PTPRG: variants seen among roughly 807,000 people sequenced by gnomAD.
PTPRG encodes protein tyrosine phosphatase receptor type G, also known as receptor-type tyrosine-protein phosphatase gamma.
Under a neutral mutation model 165.3 loss-of-function variants are expected in PTPRG, and 102 were observed. That is an observed-to-expected ratio of 0.62 (90% CI 0.53 to 0.73). PTPRG has a LOEUF of 0.73. Among genes scored for constraint, PTPRG ranks in the 30% least tolerant of loss-of-function variants. PTPRG has a pLI of 0.00. For synonymous variants in PTPRG, 675 were observed against 669.5 expected (o/e 1.01, Z -0.13); for missense variants, 1,866 against 1,861.4 (o/e 1.00, Z -0.05).
At chr3:62,154,875 G>A (rs1704476804) in intron 6 of PTPRG, among the ~76,000 whole-genome samples, 2 of 152,118 alleles carry the variant, frequency 1.3e-5, no homozygotes, top group African/African-American at 4.8e-5. Flanking sequence ...TTTTGCAGTT[G>A]GTGGTGCCAA....
chr3:61,603,779 C>T (rs1049892983), intron 1 of PTPRG, among the ~76,000 whole-genome samples: 1 of 152,132 alleles, frequency 6.6e-6, no homozygotes, highest in Non-Finnish European at 1.5e-5. Flanking sequence ...AGATGTGGCT[C>T]CAATCTCTGC....
chr3:61,720,194 GCT>G (rs1559573576), intron 1 of PTPRG, among the ~76,000 whole-genome samples: 1 of 151,782 alleles, frequency 6.6e-6, no homozygotes, highest in African/African-American at 2.4e-5. Flanking sequence ...CAGGATCTTG[GCT>G]CACCACTGCC....
intron 4 of PTPRG, among the ~76,000 whole-genome samples, chr3:62,019,575 G>A (rs992488197): frequency 6.7e-6 from 1 of 150,020 alleles, no homozygotes; most frequent in Non-Finnish European, 1.5e-5. Flanking sequence ...GAGATCTGTT[G>A]TATAACAGGG....
chr3:62,234,296 G>C (rs1454394871), intron 14 of PTPRG, among the ~76,000 whole-genome samples: 1 of 152,154 alleles, frequency 6.6e-6, no homozygotes, highest in African/African-American at 2.4e-5. Context: ...TGATGAATAA[G>C]TTTATGTGTC....
At chr3:61,982,219 A>C (rs2040657937) in intron 2 of PTPRG, among the ~76,000 whole-genome samples, 1 of 152,114 alleles carries the variant, frequency 6.6e-6, no homozygotes. Flanking sequence ...TAAACACTTA[A>C]GATGTTTGGC....
At chr3:61,760,674 C>G (rs184717345) in intron 2 of PTPRG, among the ~76,000 whole-genome samples, 1 of 152,084 alleles carries the variant, frequency 6.6e-6, no homozygotes, top group African/African-American at 2.4e-5. Flanking sequence ...GAAAGTGCGC[C>G]TGGTGATTTG....
intron 2 of PTPRG, among the ~76,000 whole-genome samples, chr3:61,874,767 T>A (rs1452852017): frequency 6.6e-6 from 1 of 152,226 alleles, no homozygotes; most frequent in African/African-American, 2.4e-5. Context: ...AAGAATGATC[T>A]AGCCCAAAAT....
At chr3:61,976,178 A>T (rs1302136863) in intron 2 of PTPRG, among the ~76,000 whole-genome samples, 3 of 152,246 alleles carry the variant, frequency 2.0e-5, no homozygotes, top group Non-Finnish European at 4.4e-5. Context: ...GACATGGAGA[A>T]ATGAGGATTC....
intron 4 of PTPRG, among the ~76,000 whole-genome samples, chr3:62,018,940 G>A (rs868332906): frequency 2.6e-5 from 4 of 152,214 alleles, no homozygotes; most frequent in African/African-American, 9.6e-5. Context: ...TGTGCAAATA[G>A]AGTGCAAGAG....
At chr3:62,051,263 C>G (rs1192310040) in intron 4 of PTPRG, among the ~76,000 whole-genome samples, 3 of 152,096 alleles carry the variant, frequency 2.0e-5, no homozygotes, top group Non-Finnish European at 2.9e-5. Context: ...TTGGATTGCT[C>G]TGGTTACTAA....
intron 2 of PTPRG, among the ~76,000 whole-genome samples, chr3:61,752,219 T>A (rs2033460864): frequency 6.6e-6 from 1 of 152,120 alleles, no homozygotes; most frequent in Admixed American, 6.6e-5. Context: ...TAGTTGGGAT[T>A]TGGGCATGAG....
Position 62,195,575 on chromosome 3 carries a change from C to T in PTPRG, c.1327+405C>T, listed in dbSNP as rs2106818902. Among the ~76,000 whole-genome samples the T allele has an allele frequency of 6.6e-6, 1 of 152,218 alleles. No homozygotes were observed. Among genetic ancestry groups the T allele is most frequent in the Non-Finnish European group, 1.5e-5 (1 of 68,016 alleles). On this transcript the variant is annotated intron_variant, in intron 10 of 29. Transcript: ENST00000474889. This position sits in a 1 kb window ranked among gnomAD's most constrained non-coding sequence, Gnocchi z 4.4. Reference sequence around the variant, plus strand: ...ACTGCAGCCCATAGCAGCTACACCTCACCCTTCCGACTTGCAAGCCACACA... The same window carrying T: ...ACTGCAGCCCATAGCAGCTACACCTTACCCTTCCGACTTGCAAGCCACACA...
At chr3:61,613,875 G>A (rs1310712561) in intron 1 of PTPRG, among the ~76,000 whole-genome samples, 1 of 152,144 alleles carries the variant, frequency 6.6e-6, no homozygotes, top group Non-Finnish European at 1.5e-5. Flanking sequence ...CTAATCCAAG[G>A]AATTTAGAGT....
chr3:62,262,026 C>T (rs552893369), intron 16 of PTPRG: 2 of 152,306 alleles, frequency 1.3e-5, no homozygotes, highest in South Asian at 4.1e-4. Flanking sequence ...TATTAGTCAG[C>T]TCCAGTACTT....
intron 2 of PTPRG, among the ~76,000 whole-genome samples, chr3:61,987,992 T>C (rs1417644665): frequency 6.6e-6 from 1 of 152,132 alleles, no homozygotes; most frequent in Non-Finnish European, 1.5e-5. Context: ...GGTAAAAAAA[T>C]ACATGAGTGA....
At chr3:61,901,213 A>G (rs1269611274) in intron 2 of PTPRG, among the ~76,000 whole-genome samples, 1 of 152,152 alleles carries the variant, frequency 6.6e-6, no homozygotes, top group Non-Finnish European at 1.5e-5. Context: ...CTTAAGTTAT[A>G]TTTTGCTACC....
At chr3:62,289,171 A>C (rs1702780320) in intron 28 of PTPRG, among the ~76,000 whole-genome samples, 1 of 152,064 alleles carries the variant, frequency 6.6e-6, no homozygotes. Context: ...TATTTATTCA[A>C]CCTCAGAATG....
intron 2 of PTPRG, among the ~76,000 whole-genome samples, chr3:61,988,351 A>G (rs2040808749): frequency 6.6e-6 from 1 of 152,236 alleles, no homozygotes. Flanking sequence ...CATTGTTTAT[A>G]TCTACTGTGA....
intron 2 of PTPRG, among the ~76,000 whole-genome samples, chr3:61,839,613 C>A (rs1166043609): frequency 6.6e-6 from 1 of 151,974 alleles, no homozygotes; most frequent in Admixed American, 6.6e-5. Context: ...AGCAACAGTA[C>A]TTTCGTATTT....
Sources: allele counts gnomAD v4.1 joint callset (sites outside exome capture counted in the v4.1 genomes callset), GRCh38; gene constraint gnomAD v4.1.1; non-coding constraint Gnocchi (gnomAD v3.1); transcripts MANE v1.5; gene names NCBI Gene and HGNC (gene_info 2026-07-23, HGNC 2026-07-21).